ROBO1: variants seen among roughly 807,000 people sequenced by gnomAD.
ROBO1 encodes roundabout guidance receptor 1.
A neutral mutation model predicts 195.9 loss-of-function variants in ROBO1; 149 were observed. The ratio of observed to expected loss-of-function variants is 0.76; its 90% CI spans 0.67 to 0.87. The LOEUF (loss-of-function observed/expected upper bound fraction) is 0.87. ROBO1 is among the 40% of genes least tolerant of loss of function. The pLI is 0.00. For synonymous variants in ROBO1, 816 were observed against 733.2 expected (o/e 1.11, Z -1.82); for missense variants, 1,933 against 2,068.3 (o/e 0.93, Z 1.27).
At chr3:79,144,961 C>T (rs745538734) in intron 2 of ROBO1, among the ~76,000 whole-genome samples, 35 of 151,972 alleles carry the variant, frequency 2.3e-4, no homozygotes, top group Non-Finnish European at 4.3e-4. Flanking sequence ...GTATGTTCTA[C>T]TCTAGTGTAC....
intron 7 of ROBO1, 111 bp from the exon 8 acceptor site, chr3:78,714,635 A>T: frequency 1.0e-6 from 1 of 988,280 alleles, no homozygotes; most frequent in South Asian, 2.6e-5. Context: ...TGATAACTTA[A>T]AACAAAGAGT....
intron 1 of ROBO1, among the ~76,000 whole-genome samples, chr3:79,668,894 T>G (rs1211763559): frequency 6.6e-6 from 1 of 151,882 alleles, no homozygotes; most frequent in Non-Finnish European, 1.5e-5. Flanking sequence ...ACGGAGATCA[T>G]GAACAGAACT....
chr3:79,182,878 G>A (rs2081368602), intron 2 of ROBO1, among the ~76,000 whole-genome samples: 1 of 151,782 alleles, frequency 6.6e-6, no homozygotes, highest in African/African-American at 2.4e-5. Flanking sequence ...AGGAGAGGAG[G>A]TTCACCATCT....
chr3:78,625,535 T>C lies in ROBO1; in HGVS notation c.3875+1786A>G, dbSNP rs188117979. On this transcript the variant is annotated intron_variant, in intron 26 of 30. Coordinates refer to ENST00000464233, the MANE Select transcript of ROBO1 (RefSeq NM_002941.4). The stretch of plus-strand genomic sequence containing the variant: ...TATTGTGGCATTCAGGAGAAGGGAC[T>C]AGCCTGGGTAAAGAAATTCGATAGC... Among the ~76,000 whole-genome samples the C allele has an allele frequency of 2.0e-5, 3 of 152,302 alleles. No homozygotes were observed. In the East Asian group the frequency reaches 5.8e-4, roughly 29 times the overall value.
intron 3 of ROBO1, among the ~76,000 whole-genome samples, chr3:78,987,075 C>G (rs1049709041): frequency 6.6e-6 from 1 of 150,824 alleles, no homozygotes; most frequent in East Asian, 1.9e-4. Context: ...GTTAACCTCT[C>G]CCCCCAAAAC....
intron 2 of ROBO1, among the ~76,000 whole-genome samples, chr3:79,219,572 G>A (rs913217671): frequency 2.0e-5 from 3 of 151,966 alleles, no homozygotes; most frequent in Admixed American, 6.6e-5. Flanking sequence ...TGATTTCAAA[G>A]TAATTCTCAG....
At chr3:79,157,212 T>A (rs2080874831) in intron 2 of ROBO1, among the ~76,000 whole-genome samples, 1 of 151,902 alleles carries the variant, frequency 6.6e-6, no homozygotes, top group African/African-American at 2.4e-5. Flanking sequence ...TTCCCTGGAC[T>A]TTCTCTGCAA....
At chr3:79,707,554 G>T (rs376402459) in intron 1 of ROBO1, among the ~76,000 whole-genome samples, 1 of 152,092 alleles carries the variant, frequency 6.6e-6, no homozygotes, top group Admixed American at 6.6e-5. Context: ...TGTTGCCCAG[G>T]CTAGAGTGCA....
At chr3:78,746,929 C>A in intron 4 of ROBO1, 29 bp from the exon 5 acceptor site, 1 of 1,445,912 alleles carries the variant, frequency 6.9e-7, no homozygotes. Context: ...ATCATTATAC[C>A]CAAAAGTGAT....
chr3:78,789,750 G>C (rs2108519951), intron 4 of ROBO1, among the ~76,000 whole-genome samples: 1 of 152,238 alleles, frequency 6.6e-6, no homozygotes, highest in Admixed American at 6.5e-5. Context: ...TTTTCTTCTT[G>C]ATCTCACAGG....
chr3:79,398,110 T>C (rs1029668589), intron 2 of ROBO1, among the ~76,000 whole-genome samples: 6 of 152,152 alleles, frequency 3.9e-5, no homozygotes, highest in South Asian at 2.1e-4. Flanking sequence ...TTTTCAATCA[T>C]GTAATTTCTG....
At chr3:79,453,030 T>A (rs1264507209) in intron 2 of ROBO1, among the ~76,000 whole-genome samples, 1 of 152,054 alleles carries the variant, frequency 6.6e-6, no homozygotes, top group Non-Finnish European at 1.5e-5. Flanking sequence ...ATACACATAT[T>A]GAAGGGAAGA....
intron 2 of ROBO1, among the ~76,000 whole-genome samples, chr3:79,201,774 G>A (rs1170086543): frequency 6.6e-6 from 1 of 151,712 alleles, no homozygotes; most frequent in Non-Finnish European, 1.5e-5. Flanking sequence ...AGTTTTTTAA[G>A]TACAAACTAC....
intron 2 of ROBO1, among the ~76,000 whole-genome samples, chr3:79,358,988 G>A (rs552423801): frequency 5.9e-5 from 9 of 151,960 alleles, no homozygotes; most frequent in East Asian, 1.9e-4. Context: ...CCCTATAAAC[G>A]TTCATCTATA....
At chr3:78,650,832 C>G (rs1003784817) in intron 19 of ROBO1, among the ~76,000 whole-genome samples, 7 of 152,108 alleles carry the variant, frequency 4.6e-5, no homozygotes, top group Non-Finnish European at 8.8e-5. Context: ...TAGAATTGAT[C>G]TTGTTGGACT....
intron 2 of ROBO1, among the ~76,000 whole-genome samples, chr3:79,186,904 G>A (rs1225364133): frequency 6.6e-6 from 1 of 152,120 alleles, no homozygotes; most frequent in Non-Finnish European, 1.5e-5. Context: ...GACTGGGAGT[G>A]TAAGTGATAA....
chr3:79,031,557 T>C (rs1168499621), intron 3 of ROBO1, among the ~76,000 whole-genome samples: 1 of 152,242 alleles, frequency 6.6e-6, no homozygotes, highest in Admixed American at 6.5e-5. Flanking sequence ...TGTCACTGAC[T>C]AGCTGGGTGA....
intron 4 of ROBO1, among the ~76,000 whole-genome samples, chr3:78,749,853 T>C (rs950279704): frequency 6.6e-6 from 1 of 152,192 alleles, no homozygotes; most frequent in African/African-American, 2.4e-5. Context: ...ACTTTTAATG[T>C]TTCTTGATTT....
intron 2 of ROBO1, among the ~76,000 whole-genome samples, chr3:79,506,831 A>G (rs998987158): frequency 5.9e-5 from 9 of 152,242 alleles, no homozygotes; most frequent in Non-Finnish European, 7.3e-5. Context: ...TGCAACTTAC[A>G]TATTAGGTAT....
Sources: allele counts gnomAD v4.1 joint callset (sites outside exome capture counted in the v4.1 genomes callset), GRCh38; gene constraint gnomAD v4.1.1; transcripts MANE v1.5; gene names NCBI Gene and HGNC (gene_info 2026-07-23, HGNC 2026-07-21).